GNAT3: variants seen among roughly 807,000 people sequenced by gnomAD.
GNAT3 encodes G protein subunit alpha transducin 3.
A neutral mutation model predicts 37.7 loss-of-function variants in GNAT3; 31 were observed. That is an observed-to-expected ratio of 0.82 (90% CI 0.62 to 1.11). The LOEUF (loss-of-function observed/expected upper bound fraction) is 1.11. Ranked by LOEUF, GNAT3 falls within the 50% of genes most tolerant of loss-of-function variation. GNAT3 has a pLI of 0.00. For synonymous variants in GNAT3, 138 were observed against 139.8 expected, an observed-to-expected ratio of 0.99 and a Z score of 0.09; for missense variants, 437 against 412.5, an observed-to-expected ratio of 1.06 and a Z score of -0.51.
At chr7:80,476,763 G>A (rs1223324379) in intron 4 of GNAT3, among the ~76,000 whole-genome samples, 2 of 151,082 alleles carry the variant, frequency 1.3e-5, no homozygotes, top group Non-Finnish European at 3.0e-5. Flanking sequence ...TTCAGTGTTT[G>A]GAAAAAAAAA....
At chr7:80,460,589 A>G (rs1302062449) in intron 7 of GNAT3, among the ~76,000 whole-genome samples, 1 of 152,132 alleles carries the variant, frequency 6.6e-6, no homozygotes, top group Non-Finnish European at 1.5e-5. Context: ...CTCTACTAAA[A>G]GTACAATAAT....
At chr7:80,465,645 G>T (rs558703249) in intron 5 of GNAT3, among the ~76,000 whole-genome samples, 1 of 152,102 alleles carries the variant, frequency 6.6e-6, no homozygotes, top group South Asian at 2.1e-4. Context: ...ACTAGTGCCT[G>T]CAGTTGGCTC....
chr7:80,491,127 T>TA (rs1284222650), intron 2 of GNAT3, among the ~76,000 whole-genome samples: 17 of 152,154 alleles, frequency 1.1e-4, no homozygotes, highest in Non-Finnish European at 2.4e-4. Flanking sequence ...CTTAGGAAGA[T>TA]ACTGAATTAA....
At chr7:80,498,128 A>G (rs1790768689) in intron 1 of GNAT3, among the ~76,000 whole-genome samples, 1 of 152,176 alleles carries the variant, frequency 6.6e-6, no homozygotes, top group Non-Finnish European at 1.5e-5. Flanking sequence ...AGTGACTTTT[A>G]GACTGTGTCA....
intron 3 of GNAT3, among the ~76,000 whole-genome samples, chr7:80,482,373 T>G (rs1028740996): frequency 1.3e-5 from 2 of 152,190 alleles, no homozygotes; most frequent in Admixed American, 1.3e-4. Flanking sequence ...CTACACAGTT[T>G]TATCCCTAAG....
intron 4 of GNAT3, among the ~76,000 whole-genome samples, chr7:80,476,973 G>A (rs1012631467): frequency 7.2e-5 from 11 of 152,018 alleles, no homozygotes; most frequent in Admixed American, 2.0e-4. Context: ...AGTAATCTGG[G>A]TAGTTGAAAA....
chr7:80,480,969 A>C (rs1790383091), intron 3 of GNAT3, among the ~76,000 whole-genome samples: 1 of 152,038 alleles, frequency 6.6e-6, no homozygotes, highest in South Asian at 2.1e-4. Flanking sequence ...CTCTGGTTCA[A>C]ATGCCTCTGA....
Position 80,458,682 on chromosome 7 carries a change from C to A in GNAT3, c.1054G>T (p.Gly352Trp). ...GAGAAAATAGTTGATTAGAAAAGCCCACAGTCTTTTAGATTCTCTTTGATT... is the reference window on the plus strand; with the variant it reads ...GAGAAAATAGTTGATTAGAAAAGCCAACAGTCTTTTAGATTCTCTTTGATT... The part of the protein sequence containing the change: ...IIIKENLKDC[G>W]LF The change falls in exon 8 of 8, where the codon GGG becomes TGG. Residue 352 changes from glycine to tryptophan, a missense_variant. By Grantham distance (184) the Gly-to-Trp change is radical. Transcript: ENST00000398291. 1 of 1,546,006 alleles carries A rather than the reference C, an allele frequency of 6.5e-7. No individual in the cohort carries two copies. The highest frequency in any genetic ancestry group is 2.3e-5 in the East Asian group (1 of 43,234).
At chr7:80,504,335 T>C (rs1411370865) in intron 1 of GNAT3, among the ~76,000 whole-genome samples, 1 of 151,936 alleles carries the variant, frequency 6.6e-6, no homozygotes, top group Non-Finnish European at 1.5e-5. Context: ...GAGAAAATTA[T>C]TGAGATGTGA....
At chr7:80,480,383 A>G (rs1363085983) in intron 3 of GNAT3, among the ~76,000 whole-genome samples, 1 of 152,168 alleles carries the variant, frequency 6.6e-6, no homozygotes, top group African/African-American at 2.4e-5. Flanking sequence ...AATAAGTATC[A>G]GAATAAGAGT....
At chr7:80,485,423 C>T (rs1393483386) in intron 3 of GNAT3, among the ~76,000 whole-genome samples, 1 of 152,132 alleles carries the variant, frequency 6.6e-6, no homozygotes, top group Non-Finnish European at 1.5e-5. Context: ...CAAAACCAAA[C>T]TAATTAGTTC....
chr7:80,501,809 C>T (rs1424858401), intron 1 of GNAT3, among the ~76,000 whole-genome samples: 1 of 151,704 alleles, frequency 6.6e-6, no homozygotes, highest in African/African-American at 2.4e-5. Context: ...TTCAGTTTGT[C>T]ATATCAGTAA....
chr7:80,504,247 T>G (rs1363444314), intron 1 of GNAT3, among the ~76,000 whole-genome samples: 2 of 151,966 alleles, frequency 1.3e-5, no homozygotes, highest in Admixed American at 6.6e-5. Flanking sequence ...GCCCAGGAAG[T>G]TGGGGCTGCA....
At position 80,462,561 on chromosome 7, in the gene GNAT3, T is replaced by C. The variant is rs747702698; in HGVS notation, c.661A>G (p.Ile221Val). Residue 221 changes from isoleucine (I) to valine (V), a missense_variant, in exon 6 of 8, where the codon ATT becomes GTT. Coordinates refer to ENST00000398291, the MANE Select transcript of GNAT3 (RefSeq NM_001102386.3). ...GCACTAAGTGCAGCACAAAATATAA[T>C]GCATGTAACTCCTTCAAAGCAGTGA... The part of the protein sequence containing the change: ...WIHCFEGVTC[I>V]IFCAALSAYD... The C allele has an allele frequency of 6.2e-7, 1 of 1,612,978 alleles. No homozygotes were observed. The highest frequency in any genetic ancestry group is 1.1e-5 in the South Asian group (1 of 91,046).
intron 3 of GNAT3, among the ~76,000 whole-genome samples, chr7:80,487,058 G>A (rs576808614): frequency 1.3e-5 from 2 of 152,166 alleles, no homozygotes; most frequent in South Asian, 4.1e-4. Context: ...CACTATAATG[G>A]AATCCAGGAG....
intron 4 of GNAT3, among the ~76,000 whole-genome samples, chr7:80,474,606 A>G (rs1380974070): frequency 6.6e-6 from 1 of 152,168 alleles, no homozygotes; most frequent in Admixed American, 6.6e-5. Flanking sequence ...CATCGAATTA[A>G]AAGTTTGGTA....
chr7:80,483,463 T>C (rs1790425178), intron 3 of GNAT3, among the ~76,000 whole-genome samples: 2 of 152,174 alleles, frequency 1.3e-5, no homozygotes, highest in Admixed American at 1.3e-4. Flanking sequence ...AGCTTCCTCA[T>C]AACGGCCAAA....
In GNAT3 at chr7:80,462,156, T is replaced by C; in HGVS notation, c.874+3A>G. On this transcript the variant is annotated splice_donor_region_variant and intron_variant, in intron 7 of 7. Transcript: ENST00000398291. Reference sequence around the variant, plus strand: ...CTATGGAACTAAAAGAAAAAAATCTTACCAGTGTATTCTGGAAAGCAGATA... The same window carrying C: ...CTATGGAACTAAAAGAAAAAAATCTCACCAGTGTATTCTGGAAAGCAGATA... The C allele has an allele frequency of 1.3e-6, 2 of 1,535,480 alleles. No homozygotes were observed. The highest frequency in any genetic ancestry group is 1.8e-6 in the Non-Finnish European group (2 of 1,139,462).
At chr7:80,502,187 T>C (rs1331902829) in intron 1 of GNAT3, among the ~76,000 whole-genome samples, 1 of 152,044 alleles carries the variant, frequency 6.6e-6, no homozygotes, top group Non-Finnish European at 1.5e-5. Flanking sequence ...AGAAGTCTAC[T>C]GTGTGGATTG....
Sources: allele counts gnomAD v4.1 joint callset (sites outside exome capture counted in the v4.1 genomes callset), GRCh38; gene constraint gnomAD v4.1.1; transcripts MANE v1.5; gene names NCBI Gene and HGNC (gene_info 2026-07-23, HGNC 2026-07-21).